SP100: variants seen among roughly 807,000 people sequenced by gnomAD.
The protein encoded by SP100 is SP100 nuclear body protein, also known as nuclear autoantigen Sp-100.
A neutral mutation model predicts 130.0 loss-of-function variants in SP100; 84 were observed. The observed-to-expected ratio is 0.65, with a 90% confidence interval of 0.54 to 0.77. SP100 has a LOEUF of 0.77. SP100 is among the 30% of genes least tolerant of loss of function. The probability of loss-of-function intolerance (pLI) is 0.00; values close to 1 mark genes in which losing one functional copy is unlikely to be tolerated. For synonymous variants in SP100, 331 were observed against 351.7 expected (o/e 0.94, Z 0.66); for missense variants, 978 against 1,052.2 (o/e 0.93, Z 0.97).
chr2:230,438,206 TTAA>T (rs1489031495), intron 2 of SP100, among the ~76,000 whole-genome samples: 4 of 152,196 alleles, frequency 2.6e-5, no homozygotes, highest in Non-Finnish European at 4.4e-5. Flanking sequence ...TTCAATATTA[TTAA>T]TATTGCCTTT....
At chr2:230,474,539 CT>C in intron 17 of SP100, 92 bp downstream of exon 17, 1 of 697,198 alleles carries the variant, frequency 1.4e-6, no homozygotes, top group Non-Finnish European at 2.5e-6. Flanking sequence ...CTTTTTTCAA[CT>C]TTTATTATAG....
chr2:230,479,344 T>G (rs1458335324), intron 17 of SP100, among the ~76,000 whole-genome samples: 1 of 152,258 alleles, frequency 6.6e-6, no homozygotes, highest in Non-Finnish European at 1.5e-5. Flanking sequence ...GTTTATAGGC[T>G]AATTATTATT....
At chr2:230,443,442 T>G (rs2063549728) in intron 3 of SP100, among the ~76,000 whole-genome samples, 1 of 152,150 alleles carries the variant, frequency 6.6e-6, no homozygotes, top group African/African-American at 2.4e-5. Flanking sequence ...AACTAAAACT[T>G]AAAAATAATT....
Position 230,539,397 on chromosome 2 carries a change from T to C in SP100, c.2210+15T>C, listed in dbSNP as rs1575821977. On this transcript the variant is annotated intron_variant, in intron 25 of 28. Coordinates refer to ENST00000340126, the MANE Select transcript of SP100 (RefSeq NM_001080391.2). ...GAAGCTAACAAGTGAGTAAGACATG[T>C]CCCCTTCCCTGAGCCCTTCCTTCTT... 1.9e-6 allele frequency: 3 copies of C among 1,564,828 alleles called. No individual in the cohort carries two copies. Among genetic ancestry groups the C allele is most frequent in the Non-Finnish European group, 2.6e-6 (3 of 1,135,300 alleles).
chr2:230,459,245 G>A (rs2064451379), intron 8 of SP100, among the ~76,000 whole-genome samples: 1 of 152,180 alleles, frequency 6.6e-6, no homozygotes, highest in East Asian at 1.9e-4. Context: ...AATTGGTAGA[G>A]AGTGGATCAT....
chr2:230,501,006 G>A (rs750454476), intron 19 of SP100, among the ~76,000 whole-genome samples: 1 of 152,164 alleles, frequency 6.6e-6, no homozygotes, highest in Non-Finnish European at 1.5e-5. Flanking sequence ...ACTTTGGGAG[G>A]CTGAGGCAGG....
intron 24 of SP100, among the ~76,000 whole-genome samples, chr2:230,530,242 A>G (rs1259684080): frequency 6.6e-6 from 1 of 152,170 alleles, no homozygotes; most frequent in East Asian, 1.9e-4. Context: ...ATATAGACCA[A>G]TGGAACAGAA....
intron 2 of SP100, among the ~76,000 whole-genome samples, chr2:230,420,359 C>CTGTA (rs967975182): frequency 1.3e-5 from 2 of 152,080 alleles, no homozygotes; most frequent in Non-Finnish European, 2.9e-5. Flanking sequence ...GAATTTATAC[C>CTGTA]TGTATACTTT....
intron 24 of SP100, chr2:230,515,536 A>G: frequency 1.2e-6 from 2 of 1,603,424 alleles, no homozygotes; most frequent in Admixed American, 1.7e-5. Context: ...TAATTCAGCA[A>G]AAAAGAGAGT....
Position 230,544,188 on chromosome 2 carries a change from T to C in SP100, c.*1242T>C, listed in dbSNP as rs577961490. ...ATGTAAAATCAAAAACTATGAAGACTCTGGAAGACAACCTAGGCAATACCA... is the reference window on the plus strand; with the variant it reads ...ATGTAAAATCAAAAACTATGAAGACCCTGGAAGACAACCTAGGCAATACCA... On this transcript the variant is annotated 3_prime_UTR_variant, in exon 29 of 29. Transcript: ENST00000340126. The C allele has an allele frequency of 5.9e-5, 9 of 152,204 alleles. No homozygotes were observed. In the East Asian group the frequency reaches 7.7e-4, roughly 13 times the overall value. The allele number at this position is 152,204 out of a possible 1,614,324, so 9.4% of individuals were successfully genotyped here.
intron 24 of SP100, among the ~76,000 whole-genome samples, chr2:230,527,246 C>A (rs558503666): frequency 6.6e-6 from 1 of 152,136 alleles, no homozygotes; most frequent in Non-Finnish European, 1.5e-5. Context: ...ACTCTACAAG[C>A]CAGAAGACAG....
chr2:230,480,114 A>G (rs373220506), intron 17 of SP100, among the ~76,000 whole-genome samples: 1 of 152,326 alleles, frequency 6.6e-6, no homozygotes, highest in Middle Eastern at 3.4e-3. Context: ...ACACTCTGCC[A>G]TCTTCTGTGT....
chr2:230,527,626 C>T (rs1691491484), intron 24 of SP100, among the ~76,000 whole-genome samples: 1 of 152,150 alleles, frequency 6.6e-6, no homozygotes, highest in South Asian at 2.1e-4. Context: ...AAGACATAGA[C>T]TGGCAAATTG....
intron 27 of SP100, 69 bp from the exon 28 acceptor site, chr2:230,541,823 C>CT: frequency 6.5e-7 from 1 of 1,535,246 alleles, no homozygotes; most frequent in South Asian, 1.2e-5. Context: ...CTCCACAAAC[C>CT]TTTATTCCAT....
At chr2:230,438,683 A>T (rs979583499) in intron 2 of SP100, among the ~76,000 whole-genome samples, 9 of 151,116 alleles carry the variant, frequency 6.0e-5, no homozygotes, top group Non-Finnish European at 1.3e-4. Context: ...ACACACACAC[A>T]CACATATGGT....
chr2:230,424,038 G>A (rs982007058), intron 2 of SP100, among the ~76,000 whole-genome samples: 1 of 152,086 alleles, frequency 6.6e-6, no homozygotes, highest in Non-Finnish European at 1.5e-5. Context: ...GAGCAGGGAG[G>A]ATCAACACTA....
At chr2:230,468,828 A>G in intron 13 of SP100, 20 of 289,910 alleles carry the variant, frequency 6.9e-5, no homozygotes, top group South Asian at 1.4e-4. Context: ...AAAAAAAAAA[A>G]AAAAAAAAAA....
At chr2:230,514,526 T>G (rs896460736) in intron 24 of SP100, among the ~76,000 whole-genome samples, 1 of 152,212 alleles carries the variant, frequency 6.6e-6, no homozygotes, top group East Asian at 1.9e-4. Flanking sequence ...TAATAACAAC[T>G]ATGCTATAAT....
chr2:230,512,820 C>A (rs1228093217), intron 24 of SP100, among the ~76,000 whole-genome samples: 3 of 152,060 alleles, frequency 2.0e-5, no homozygotes, highest in African/African-American at 7.2e-5. Flanking sequence ...TCAGTGGGAG[C>A]CCTGAGCTTG....
Sources: allele counts gnomAD v4.1 joint callset (sites outside exome capture counted in the v4.1 genomes callset), GRCh38; gene constraint gnomAD v4.1.1; transcripts MANE v1.5; gene names NCBI Gene and HGNC (gene_info 2026-07-23, HGNC 2026-07-21).